ARHGAP8: variants seen among roughly 807,000 people sequenced by gnomAD.
ARHGAP8 encodes the protein Rho GTPase activating protein 8.
In ARHGAP8, 62 loss-of-function variants were observed where a neutral mutation model predicts 46.1. The ratio of observed to expected loss-of-function variants is 1.34; its 90% CI spans 1.10 to 1.66. ARHGAP8 has a LOEUF of 1.66. ARHGAP8 is among the 40% of genes most tolerant of loss of function. The probability of loss-of-function intolerance (pLI) is 0.00; values close to 1 mark genes in which losing one functional copy is unlikely to be tolerated. For missense variants in ARHGAP8, 923 were observed against 568.4 expected (o/e 1.62, Z -6.34); for synonymous variants, 375 against 243.1 (o/e 1.54, Z -5.05).
At chr22:44,808,283 C>T (rs192449845) in intron 3 of ARHGAP8, 24 bp from the exon 4 acceptor site, 6 of 1,600,266 alleles carry the variant, frequency 3.7e-6, no homozygotes, top group Non-Finnish European at 4.3e-6. Flanking sequence ...ATTTTCATAA[C>T]TGAATCTTCT....
chr22:44,760,950 C>G (rs1013606971), intron 1 of ARHGAP8, among the ~76,000 whole-genome samples: 1 of 152,182 alleles, frequency 6.6e-6, no homozygotes, highest in Non-Finnish European at 1.5e-5. Context: ...TGTGCGGACT[C>G]ACATGCAGGG....
Position 44,814,700 on chromosome 22 carries a change from G to A in ARHGAP8, c.328G>A (p.Val110Met), listed in dbSNP as rs562703546. ...CAAGAAGAACTTGAAGGCCCTCTACGTGGTGCACCCCACCAGCTTCATCAA... is the reference window on the plus strand; with the variant it reads ...CAAGAAGAACTTGAAGGCCCTCTACATGGTGCACCCCACCAGCTTCATCAA... The part of the protein sequence containing the change: ...KYKKNLKALY[V>M]VHPTSFIKVL... Residue 110 changes from valine to methionine, a missense_variant, in exon 5 of 12, where the codon GTG becomes ATG. Transcript: ENST00000356099. The A allele has an allele frequency of 3.9e-5, 63 of 1,613,970 alleles. 2 individuals are homozygous for A. The highest frequency in any genetic ancestry group is 3.7e-4 in the South Asian group (34 of 91,064).
chr22:44,765,950 G>A (rs1265362432), intron 1 of ARHGAP8: 1 of 152,352 alleles, frequency 6.6e-6, no homozygotes, highest in Non-Finnish European at 1.5e-5. Context: ...GCCCTAGCAA[G>A]CTGCTCCCTG....
intron 7 of ARHGAP8, among the ~76,000 whole-genome samples, chr22:44,826,336 G>T (rs986952918): frequency 6.6e-6 from 1 of 152,150 alleles, no homozygotes. Flanking sequence ...TTACCGCAGC[G>T]TAACCTGTCC....
chr22:44,847,618 C>T (rs949992759), intron 8 of ARHGAP8, among the ~76,000 whole-genome samples: 1 of 152,200 alleles, frequency 6.6e-6, no homozygotes, highest in African/African-American at 2.4e-5. Context: ...TCACCGTGTC[C>T]AGTCCTCTCT....
intron 7 of ARHGAP8, among the ~76,000 whole-genome samples, chr22:44,842,201 A>G: frequency 6.6e-6 from 1 of 152,166 alleles, no homozygotes; most frequent in East Asian, 1.9e-4. Flanking sequence ...TACTAAAAAT[A>G]CAAAAATTAG....
At chr22:44,815,852 G>C (rs1015121966) in intron 5 of ARHGAP8, among the ~76,000 whole-genome samples, 1 of 150,984 alleles carries the variant, frequency 6.6e-6, no homozygotes, top group Non-Finnish European at 1.5e-5. Context: ...CACATGACGG[G>C]GGTGGGGTGG....
chr22:44,847,586 G>A (rs1259654612), intron 8 of ARHGAP8, among the ~76,000 whole-genome samples: 2 of 152,240 alleles, frequency 1.3e-5, no homozygotes, highest in Non-Finnish European at 2.9e-5. Context: ...ACGTCTCCCA[G>A]GTGCCAGGCA....
At chr22:44,824,686 G>A (rs1279398155) in intron 6 of ARHGAP8, among the ~76,000 whole-genome samples, 1 of 146,602 alleles carries the variant, frequency 6.8e-6, no homozygotes, top group Admixed American at 7.0e-5. Flanking sequence ...AGGCTGGAGT[G>A]CAATGGCGCA....
chr22:44,785,567 C>T (rs1414985264), intron 1 of ARHGAP8, among the ~76,000 whole-genome samples: 3 of 152,116 alleles, frequency 2.0e-5, no homozygotes, highest in Admixed American at 1.3e-4. Context: ...TAACTACTTA[C>T]ATCTCCAAAG....
At chr22:44,828,518 C>T (rs546583005) in intron 7 of ARHGAP8, among the ~76,000 whole-genome samples, 10 of 150,004 alleles carry the variant, frequency 6.7e-5, no homozygotes, top group South Asian at 2.1e-4. Context: ...GGCAGGATCT[C>T]GGCTCCCTGC....
intron 1 of ARHGAP8, among the ~76,000 whole-genome samples, chr22:44,768,279 G>T (rs1925739212): frequency 6.6e-6 from 1 of 151,712 alleles, no homozygotes; most frequent in African/African-American, 2.4e-5. Flanking sequence ...ACAGGCGTGA[G>T]CCACCGCGTG....
intron 10 of ARHGAP8, chr22:44,851,104 TCCCAGTCCCCGGGGAGGGAAGGACC>T (rs956446693): frequency 5.9e-5 from 9 of 152,048 alleles, no homozygotes; most frequent in African/African-American, 2.2e-4. Context: ...TACCTCTGCC[TCCCAGTCCCCGGGGAGGGAAGGACC>T]CAGCTCTGGC....
chr22:44,861,414 GCCTGCAGTGGGCCTGGCTGGTGCACA>G (rs1481535933), intron 11 of ARHGAP8, among the ~76,000 whole-genome samples: 2 of 152,220 alleles, frequency 1.3e-5, no homozygotes, highest in Admixed American at 6.5e-5. Flanking sequence ...AGGAGGGGTG[GCCTGCAGTGGGCCTGGCTGGTGCACA>G]CCTGCAACGG....
At chr22:44,820,801 G>A (rs548518675) in intron 5 of ARHGAP8, among the ~76,000 whole-genome samples, 3 of 152,246 alleles carry the variant, frequency 2.0e-5, no homozygotes, top group South Asian at 4.1e-4. Flanking sequence ...CCACTAGGGG[G>A]AGCCAGTGCA....
At chr22:44,826,649 C>T (rs953896349) in intron 7 of ARHGAP8, among the ~76,000 whole-genome samples, 2 of 152,204 alleles carry the variant, frequency 1.3e-5, no homozygotes, top group Admixed American at 6.5e-5. Context: ...TGGTCTCGAA[C>T]TCCTGACCTC....
At chr22:44,854,955 GT>G (rs1356559429) in intron 10 of ARHGAP8, among the ~76,000 whole-genome samples, 15 of 152,166 alleles carry the variant, frequency 9.9e-5, no homozygotes, top group African/African-American at 3.6e-4. Flanking sequence ...CTATACAGCT[GT>G]TTTTAATAAA....
At chr22:44,856,153 C>G (rs2070216283) in intron 10 of ARHGAP8, among the ~76,000 whole-genome samples, 1 of 152,014 alleles carries the variant, frequency 6.6e-6, no homozygotes, top group Non-Finnish European at 1.5e-5. Flanking sequence ...CCATCCCCAC[C>G]TCCCACATTG....
chr22:44,856,979 C>T (rs556230127), intron 10 of ARHGAP8, among the ~76,000 whole-genome samples: 23 of 139,498 alleles, frequency 1.6e-4, no homozygotes, highest in Non-Finnish European at 2.7e-4. Context: ...TTGCTCTTGT[C>T]GCAAAGGCTG....
Sources: allele counts gnomAD v4.1 joint callset (sites outside exome capture counted in the v4.1 genomes callset), GRCh38; gene constraint gnomAD v4.1.1; transcripts MANE v1.5; gene names NCBI Gene and HGNC (gene_info 2026-07-23, HGNC 2026-07-21).